DNMBP: variants seen among roughly 807,000 people sequenced by gnomAD.
The protein encoded by DNMBP is dynamin binding protein, also known as dynamin-binding protein.
A neutral mutation model predicts 150.0 loss-of-function variants in DNMBP; 87 were observed. The observed-to-expected ratio is 0.58, with a 90% CI of 0.49 to 0.69. The LOEUF (loss-of-function observed/expected upper bound fraction) is 0.69. Among genes scored for constraint, DNMBP ranks in the 30% least tolerant of loss-of-function variants. DNMBP has a pLI of 0.00. For synonymous variants in DNMBP, 711 were observed against 750.4 expected, an observed-to-expected ratio of 0.95 and a Z score of 0.86; for missense variants, 1,774 against 1,949.0, an observed-to-expected ratio of 0.91 and a Z score of 1.69.
intron 1 of DNMBP, among the ~76,000 whole-genome samples, chr10:100,009,604 C>A (rs2041110994): frequency 6.6e-6 from 1 of 152,190 alleles, no homozygotes; most frequent in African/African-American, 2.4e-5. Flanking sequence ...CCTCCAACTC[C>A]CGGGGACTAC....
At chr10:99,933,077 T>G (rs1278425158) in intron 4 of DNMBP, among the ~76,000 whole-genome samples, 4 of 149,930 alleles carry the variant, frequency 2.7e-5, no homozygotes, top group Non-Finnish European at 5.9e-5. Context: ...GGAGGATCAC[T>G]TGAGCCCAGG....
chr10:99,897,924 TAATA>T (rs1225284541), intron 9 of DNMBP, 158 bp downstream of exon 9: 5 of 644,532 alleles, frequency 7.8e-6, no homozygotes, highest in African/African-American at 1.8e-5. Flanking sequence ...AAAAAAATAA[TAATA>T]AAATATCATA....
intron 1 of DNMBP, among the ~76,000 whole-genome samples, chr10:99,973,798 T>C (rs1394566906): frequency 6.6e-6 from 1 of 152,162 alleles, no homozygotes; most frequent in Non-Finnish European, 1.5e-5. Context: ...CTGGGCAACA[T>C]GGTGAAACCC....
intron 11 of DNMBP, among the ~76,000 whole-genome samples, chr10:99,891,861 C>T (rs556024780): frequency 6.6e-6 from 1 of 151,400 alleles, no homozygotes; most frequent in African/African-American, 2.4e-5. Context: ...TCTGCCCGGC[C>T]ACGACCCCGT....
intron 6 of DNMBP, among the ~76,000 whole-genome samples, chr10:99,901,564 C>CTGACTTTGCTTAGGAACTTAGA (rs2039738900): frequency 6.6e-6 from 1 of 152,156 alleles, no homozygotes; most frequent in Non-Finnish European, 1.5e-5. Flanking sequence ...GGCATAGGAA[C>CTGACTTTGCTTAGGAACTTAGA]AGTTCCTAAG....
chr10:99,926,667 A>C (rs2040081837), intron 4 of DNMBP, among the ~76,000 whole-genome samples: 1 of 152,194 alleles, frequency 6.6e-6, no homozygotes, highest in African/African-American at 2.4e-5. Context: ...ATTAGCTATT[A>C]AGGGGGAAAT....
intron 3 of DNMBP, among the ~76,000 whole-genome samples, chr10:99,968,688 CA>C (rs397755241): frequency 0.36 from 39,152 of 109,096 alleles, 5,167 homozygotes; most frequent in Admixed American, 0.38. Context: ...ACTACTGTCT[CA>C]AAAAAAAAAA....
chr10:99,911,538 A>G lies in DNMBP; in HGVS notation c.2261-2392T>C, dbSNP rs2133250728. 1.3e-5 allele frequency among the ~76,000 whole-genome samples: 2 copies of G among 152,280 alleles called. 1 individual carries two copies. The highest frequency in any genetic ancestry group is 4.1e-4 in the South Asian group (2 of 4,830). ...ACACTGAAGCTTACTAAGGGGCACAATATATGCAATGTACTCTTAGTTCAT... is the reference window on the plus strand; with the variant it reads ...ACACTGAAGCTTACTAAGGGGCACAGTATATGCAATGTACTCTTAGTTCAT... On this transcript the variant is annotated intron_variant, in intron 4 of 16. Coordinates refer to ENST00000324109, the MANE Select transcript of DNMBP (RefSeq NM_015221.4).
At chr10:99,918,917 G>T (rs945579380) in intron 4 of DNMBP, among the ~76,000 whole-genome samples, 1 of 152,116 alleles carries the variant, frequency 6.6e-6, no homozygotes, top group Non-Finnish European at 1.5e-5. Context: ...TTAATCTTTA[G>T]GCAGCATAAG....
At chr10:100,003,092 G>A (rs999195092) in intron 1 of DNMBP, among the ~76,000 whole-genome samples, 21 of 152,316 alleles carry the variant, frequency 1.4e-4, no homozygotes, top group African/African-American at 4.6e-4. Context: ...GCTCAGGCCT[G>A]TAATCCCAGC....
intron 1 of DNMBP, among the ~76,000 whole-genome samples, chr10:99,997,911 G>A (rs1452254121): frequency 3.5e-4 from 35 of 99,912 alleles, no homozygotes; most frequent in African/African-American, 1.1e-3. Flanking sequence ...CTGGGTGACA[G>A]AATGAGACTC....
At chr10:99,967,941 A>G (rs1315734651) in intron 3 of DNMBP, among the ~76,000 whole-genome samples, 1 of 152,186 alleles carries the variant, frequency 6.6e-6, no homozygotes, top group African/African-American at 2.4e-5. Context: ...ATCAGAGTGC[A>G]AGAAGGGAGA....
Position 99,877,146 on chromosome 10 carries a change from T to G in DNMBP, c.*5A>C, listed in dbSNP as rs1348558185. 3.1e-6 allele frequency: 5 copies of G among 1,600,396 alleles called. No individual in the cohort carries two copies. The highest frequency in any genetic ancestry group is 1.7e-5 in the Admixed American group (1 of 57,926). On this transcript the variant is annotated 3_prime_UTR_variant, in exon 17 of 17. Coordinates refer to ENST00000324109, the MANE Select transcript of DNMBP (RefSeq NM_015221.4). ...CAGCAAGGCTGGGTGGCAGGCAACG[T>G]GGGCTCAGGTGTACTCGGTTTTGCG...
At chr10:99,998,233 C>CA (rs112662710) in intron 1 of DNMBP, among the ~76,000 whole-genome samples, 62,475 of 130,096 alleles carry the variant, frequency 0.48, 15,111 homozygotes, top group African/African-American at 0.62. Context: ...GACTCCGTCT[C>CA]AAAAAAAAAA....
At chr10:99,964,874 GAAA>G (rs757761293) in intron 3 of DNMBP, among the ~76,000 whole-genome samples, 1,780 of 134,886 alleles carry the variant, frequency 0.013, 45 homozygotes, top group African/African-American at 0.044. Flanking sequence ...CCAGCCCAAG[GAAA>G]AAAAAAAAAT....
At position 99,967,502 on chromosome 10, in the gene DNMBP, G is replaced by A. The variant is rs79185554; in HGVS notation, c.268+1613C>T. 7.6e-3 allele frequency among the ~76,000 whole-genome samples: 1,153 copies of A among 152,190 alleles called. 25 individuals are homozygous for A. The highest frequency in any genetic ancestry group is 0.052 in the East Asian group (268 of 5,184). On this transcript the variant is annotated intron_variant, in intron 3 of 16. Coordinates refer to ENST00000324109, the MANE Select transcript of DNMBP (RefSeq NM_015221.4). ...GATCATGCCACTGCACTCCAGCCTC[G>A]ACAGAATGAGACTCCGTCTCAAAAA...
intron 1 of DNMBP, among the ~76,000 whole-genome samples, chr10:99,990,784 CACACATAT>C (rs2133376737): frequency 1.6e-5 from 1 of 61,402 alleles, no homozygotes; most frequent in Admixed American, 1.6e-4. Flanking sequence ...CACATATATA[CACACATAT>C]ATACACACAT....
At chr10:99,978,826 C>T (rs375889061) in intron 1 of DNMBP, among the ~76,000 whole-genome samples, 43 of 152,256 alleles carry the variant, frequency 2.8e-4, no homozygotes, top group Admixed American at 6.5e-4. Context: ...CTGCCCTCCT[C>T]GGCCTCCCAA....
chr10:99,900,339 G>A (rs957949290), intron 6 of DNMBP, among the ~76,000 whole-genome samples: 6 of 152,126 alleles, frequency 3.9e-5, no homozygotes. Flanking sequence ...GAGTGCAGTG[G>A]CACAATCTCA....
Sources: allele counts gnomAD v4.1 joint callset (sites outside exome capture counted in the v4.1 genomes callset), GRCh38; gene constraint gnomAD v4.1.1; transcripts MANE v1.5; gene names NCBI Gene and HGNC (gene_info 2026-07-23, HGNC 2026-07-21).